VAV3: variants seen among roughly 807,000 people sequenced by gnomAD.
The protein encoded by VAV3 is guanine nucleotide exchange factor VAV3.
Under a neutral mutation model 131.2 loss-of-function variants are expected in VAV3, and 94 were observed. The ratio of observed to expected loss-of-function variants is 0.72; its 90% confidence interval spans 0.61 to 0.85. The LOEUF (loss-of-function observed/expected upper bound fraction) is 0.85, where lower values mean the gene tolerates loss of function less well. VAV3 is among the 40% of genes least tolerant of loss of function. The pLI, the probability that VAV3 is intolerant of heterozygous loss-of-function variation, is 0.00. For synonymous variants in VAV3, 349 were observed against 342.0 expected (o/e 1.02, Z -0.22); for missense variants, 939 against 1,002.7 (o/e 0.94, Z 0.86).
At chr1:107,775,237 T>C (rs1356035273) in intron 4 of VAV3, among the ~76,000 whole-genome samples, 1 of 151,656 alleles carries the variant, frequency 6.6e-6, no homozygotes, top group African/African-American at 2.4e-5. Context: ...AAGAACAAAA[T>C]GGGGAAGCTA....
chr1:107,743,666 A>G (rs1663155594), intron 15 of VAV3, among the ~76,000 whole-genome samples: 1 of 152,202 alleles, frequency 6.6e-6, no homozygotes, highest in Non-Finnish European at 1.5e-5. Context: ...TTCCTCTGGT[A>G]ATTCTCTCTC....
At position 107,770,675 on chromosome 1, in the gene VAV3, T is replaced by C. The variant is rs760863760; in HGVS notation, c.609A>G (p.Thr203=). The part of the protein sequence containing the change: ...RSCCLAEIKQ[T]EEKYTETLES... ...CCAAAGTTTCTGTATATTTTTCTTC[T>C]GTCTGCTTAATTTCTGCTAGACAAC... The change falls in exon 6 of 27, where the codon ACA becomes ACG. Residue 203 remains threonine, a synonymous_variant. Coordinates refer to ENST00000370056, the MANE Select transcript of VAV3 (RefSeq NM_006113.5). The C allele has an allele frequency of 6.2e-6, 10 of 1,612,416 alleles. No homozygotes were observed. The Admixed American group carries it at 6.7e-5, about 11-fold the overall frequency.
intron 1 of VAV3, among the ~76,000 whole-genome samples, chr1:107,889,476 A>AT (rs1557904288): frequency 2.6e-5 from 4 of 152,182 alleles, no homozygotes; most frequent in African/African-American, 9.7e-5. Flanking sequence ...AATTGTGGTA[A>AT]GACAACAGGG....
intron 2 of VAV3, among the ~76,000 whole-genome samples, chr1:107,815,163 T>G (rs959205492): frequency 7.9e-5 from 12 of 152,212 alleles, no homozygotes; most frequent in African/African-American, 2.9e-4. Flanking sequence ...TTCCCATGCA[T>G]GAATAGTGTC....
At position 107,964,646 on chromosome 1, in the gene VAV3, G is replaced by A. The variant is rs1557950820; in HGVS notation, c.204+20C>T. The A allele has an allele frequency of 1.9e-6, 3 of 1,605,172 alleles. No homozygotes were observed. Among genetic ancestry groups the A allele is most frequent in the East Asian group, 2.2e-5 (1 of 44,580 alleles). ...GGGAGCTGCCGGCTGGAGGCGGGGC[G>A]CCCGTGCCGGCCTCCTCACCTGGGA... On this transcript the variant is annotated intron_variant, in intron 1 of 26. Coordinates refer to ENST00000370056, the MANE Select transcript of VAV3 (RefSeq NM_006113.5).
intron 2 of VAV3, among the ~76,000 whole-genome samples, chr1:107,792,275 A>G (rs189443284): frequency 1.3e-5 from 2 of 152,364 alleles, no homozygotes; most frequent in African/African-American, 4.8e-5. Flanking sequence ...TATTATTACA[A>G]GAAAACTTTT....
At chr1:107,830,149 T>G (rs1668185946) in intron 2 of VAV3, among the ~76,000 whole-genome samples, 1 of 152,086 alleles carries the variant, frequency 6.6e-6, no homozygotes, top group Non-Finnish European at 1.5e-5. Flanking sequence ...CTAGAAACTA[T>G]GAGTTTCTCA....
chr1:107,643,602 CT>C (rs779231932), intron 19 of VAV3, among the ~76,000 whole-genome samples: 1 of 152,074 alleles, frequency 6.6e-6, no homozygotes, highest in Non-Finnish European at 1.5e-5. Context: ...GGACTGAAGC[CT>C]TTATTAAGCT....
intron 15 of VAV3, among the ~76,000 whole-genome samples, chr1:107,708,623 C>T (rs1158836851): frequency 6.6e-6 from 1 of 152,154 alleles, no homozygotes; most frequent in African/African-American, 2.4e-5. Context: ...TTCCCCCTAG[C>T]CTGGACCTCT....
At chr1:107,728,612 T>TACAC (rs1662010620) in intron 15 of VAV3, among the ~76,000 whole-genome samples, 1 of 90,518 alleles carries the variant, frequency 1.1e-5, no homozygotes, top group African/African-American at 3.5e-5. Flanking sequence ...TATATGTATA[T>TACAC]GTATATGTAT....
chr1:107,812,442 T>C (rs185139039), intron 2 of VAV3, among the ~76,000 whole-genome samples: 3 of 152,148 alleles, frequency 2.0e-5, no homozygotes, highest in African/African-American at 7.2e-5. Flanking sequence ...ATTATCATTT[T>C]TTAAGCTGAT....
At chr1:107,734,291 C>T (rs2101983502) in intron 15 of VAV3, among the ~76,000 whole-genome samples, 1 of 152,246 alleles carries the variant, frequency 6.6e-6, no homozygotes, top group African/African-American at 2.4e-5. Flanking sequence ...GCTAGGAAGA[C>T]ACTCCACCAA....
At chr1:107,687,132 A>C (rs1659087509) in intron 18 of VAV3, among the ~76,000 whole-genome samples, 1 of 152,242 alleles carries the variant, frequency 6.6e-6, no homozygotes, top group African/African-American at 2.4e-5. Context: ...CTCTTTGGTT[A>C]ATTTATTTTA....
intron 1 of VAV3, among the ~76,000 whole-genome samples, chr1:107,957,764 G>A (rs6690796): frequency 0.1 from 15,360 of 151,704 alleles, 1,352 homozygotes; most frequent in African/African-American, 0.24. Flanking sequence ...ATTGCTACAG[G>A]GGATTCGAGA....
intron 1 of VAV3, among the ~76,000 whole-genome samples, chr1:107,960,479 AAAG>A (rs1318203121): frequency 3.3e-5 from 5 of 152,160 alleles, no homozygotes; most frequent in South Asian, 4.1e-4. Context: ...AAAAAAAAGA[AAAG>A]AAAAGAAAGG....
chr1:107,880,866 T>C (rs534925711), intron 1 of VAV3, among the ~76,000 whole-genome samples: 44 of 152,314 alleles, frequency 2.9e-4, no homozygotes, highest in Non-Finnish European at 5.4e-4. Flanking sequence ...TTATGATTAT[T>C]GGTGTTGTAG....
chr1:107,847,826 A>C (rs1464985600), intron 2 of VAV3, among the ~76,000 whole-genome samples: 2 of 152,194 alleles, frequency 1.3e-5, no homozygotes, highest in Non-Finnish European at 2.9e-5. Flanking sequence ...TTCACAGCTG[A>C]ATTCTACCAG....
intron 8 of VAV3, among the ~76,000 whole-genome samples, chr1:107,766,153 T>C (rs1484701753): frequency 6.6e-6 from 1 of 152,172 alleles, no homozygotes; most frequent in African/African-American, 2.4e-5. Flanking sequence ...GAAGATTACA[T>C]CGCTCAGTAA....
intron 2 of VAV3, among the ~76,000 whole-genome samples, chr1:107,864,884 C>T (rs1669909997): frequency 6.6e-6 from 1 of 152,152 alleles, no homozygotes; most frequent in African/African-American, 2.4e-5. Flanking sequence ...GTCTTGACTA[C>T]CTGCTCCTCC....
Sources: allele counts gnomAD v4.1 joint callset (sites outside exome capture counted in the v4.1 genomes callset), GRCh38; gene constraint gnomAD v4.1.1; transcripts MANE v1.5; gene names NCBI Gene and HGNC (gene_info 2026-07-23, HGNC 2026-07-21).